The following CHODL variants were observed in gnomAD, a reference collection of about 807,000 sequenced individuals.
CHODL encodes the protein chondrolectin.
A neutral mutation model predicts 34.5 loss-of-function variants in CHODL; 29 were observed. That is an observed-to-expected ratio of 0.84 (90% CI 0.63 to 1.15). The LOEUF (loss-of-function observed/expected upper bound fraction) is 1.15. Ranked by LOEUF, CHODL falls within the 50% of genes most tolerant of loss-of-function variation. The probability of loss-of-function intolerance (pLI) is 0.00; values close to 1 mark genes in which losing one functional copy is unlikely to be tolerated. For missense variants in CHODL, 332 were observed against 332.5 expected (o/e 1.00, Z 0.01); for synonymous variants, 125 against 116.1 (o/e 1.08, Z -0.49).
intron 2 of CHODL, among the ~76,000 whole-genome samples, chr21:18,192,911 A>C (rs1316815584): frequency 6.6e-6 from 1 of 152,210 alleles, no homozygotes; most frequent in Non-Finnish European, 1.5e-5. Context: ...TCATAAAATA[A>C]GCTCTACTAC....
chr21:18,236,153 A>C (rs2074026927), intron 2 of CHODL, among the ~76,000 whole-genome samples: 1 of 152,132 alleles, frequency 6.6e-6, no homozygotes, highest in Admixed American at 6.6e-5. Flanking sequence ...CTATCATGGC[A>C]AAAGGAGAAG....
chr21:18,057,637 C>G (rs947279598), intron 2 of CHODL, among the ~76,000 whole-genome samples: 1 of 151,790 alleles, frequency 6.6e-6, no homozygotes, highest in African/African-American at 2.4e-5. Context: ...CCTAAAAAAC[C>G]CCCTGTGCCC....
chr21:18,134,809 C>T (rs1319776378), intron 2 of CHODL, among the ~76,000 whole-genome samples: 4 of 152,182 alleles, frequency 2.6e-5, no homozygotes, highest in Non-Finnish European at 5.9e-5. Context: ...TTCCTTTGAT[C>T]AAGCCATAAA....
intron 1 of CHODL, among the ~76,000 whole-genome samples, chr21:17,983,425 G>A (rs1035813686): frequency 3.9e-5 from 6 of 152,130 alleles, no homozygotes; most frequent in Non-Finnish European, 7.4e-5. Context: ...TAGGGGCTAT[G>A]TATTTAAGTG....
chr21:18,126,083 G>A (rs189380944), intron 2 of CHODL, among the ~76,000 whole-genome samples: 3 of 152,162 alleles, frequency 2.0e-5, no homozygotes. Flanking sequence ...GATCCCTTGA[G>A]CCCAAAAGCT....
At chr21:18,021,827 C>G (rs559585205) in intron 1 of CHODL, among the ~76,000 whole-genome samples, 1 of 151,770 alleles carries the variant, frequency 6.6e-6, no homozygotes, top group African/African-American at 2.4e-5. Flanking sequence ...GAACCCAAGT[C>G]ATTCCCCACA....
chr21:18,068,475 G>A (rs987792271), intron 2 of CHODL, among the ~76,000 whole-genome samples: 1 of 152,140 alleles, frequency 6.6e-6, no homozygotes. Context: ...GGGATTACAG[G>A]TGTGAGCCAC....
chr21:17,957,151 C>G (rs148334893), intron 1 of CHODL, among the ~76,000 whole-genome samples: 1 of 152,276 alleles, frequency 6.6e-6, no homozygotes, highest in African/African-American at 2.4e-5. Context: ...CTAACTCTAT[C>G]TAATCAATCA....
chr21:18,089,231 A>T (rs1022341499), intron 2 of CHODL, among the ~76,000 whole-genome samples: 1 of 152,150 alleles, frequency 6.6e-6, no homozygotes, highest in African/African-American at 2.4e-5. Flanking sequence ...CTGTTCTTAC[A>T]GTTAGCAGTT....
intron 1 of CHODL, among the ~76,000 whole-genome samples, chr21:17,946,481 A>C (rs540897455): frequency 1.4e-4 from 22 of 152,350 alleles, no homozygotes; most frequent in African/African-American, 5.3e-4. Flanking sequence ...AAATGTTAAA[A>C]GGAGTTTTCA....
intron 1 of CHODL, among the ~76,000 whole-genome samples, chr21:17,922,787 C>A (rs1372264354): frequency 6.6e-6 from 1 of 152,070 alleles, no homozygotes; most frequent in South Asian, 2.1e-4. Flanking sequence ...TGAGACAGGT[C>A]TCAGTTAATT....
intron 2 of CHODL, among the ~76,000 whole-genome samples, chr21:18,172,865 G>A (rs1444316424): frequency 6.6e-6 from 1 of 152,112 alleles, no homozygotes; most frequent in Admixed American, 6.5e-5. Context: ...CAGAGTTTCT[G>A]AAAAGCTGAA....
rs374440098 is a variant in CHODL, at chr21:17,931,699, AAGAC to A, written c.-145+14302_-145+14305del. On this transcript the variant is annotated intron_variant, in intron 1 of 6. Transcript: ENST00000400127. The stretch of plus-strand genomic sequence containing the variant: ...AAAGAAGAAATAGATATCTTAAAAA[AAGAC>A]AGGCAGAACTTCTGGAAATGAAAAA... Among the ~76,000 whole-genome samples, 422 of 152,340 alleles carry A rather than the reference AAGAC, an allele frequency of 2.8e-3. 3 individuals are homozygous for A. Among genetic ancestry groups the A allele is most frequent in the African/African-American group, 9.4e-3 (392 of 41,586 alleles).
chr21:17,997,688 GAAA>G (rs2063864001), intron 1 of CHODL, among the ~76,000 whole-genome samples: 1 of 152,090 alleles, frequency 6.6e-6, no homozygotes. Context: ...GAAAAATGAG[GAAA>G]AAGTGAAAAC....
chr21:17,930,104 C>G lies in CHODL; in HGVS notation c.-145+12704C>G, dbSNP rs377505677. On this transcript the variant is annotated intron_variant, in intron 1 of 6. Coordinates refer to the CHODL transcript ENST00000400127. ...TTGCTGCAACTGCCACCACCACTGCCAGGCCAAGGAGGGAGTGGGAAGACA... is the reference window on the plus strand; with the variant it reads ...TTGCTGCAACTGCCACCACCACTGCGAGGCCAAGGAGGGAGTGGGAAGACA... 4.5e-3 allele frequency among the ~76,000 whole-genome samples: 676 copies of G among 150,930 alleles called. 6 individuals are homozygous for G. Among genetic ancestry groups the G allele is most frequent in the African/African-American group, 0.016 (638 of 41,008 alleles).
At chr21:18,003,266 G>A (rs2063928222) in intron 1 of CHODL, among the ~76,000 whole-genome samples, 1 of 151,598 alleles carries the variant, frequency 6.6e-6, no homozygotes, top group African/African-American at 2.4e-5. Context: ...CTTTCCCCAA[G>A]TGATGGATCA....
At chr21:18,166,384 T>A (rs1232812048) in intron 2 of CHODL, among the ~76,000 whole-genome samples, 1 of 152,178 alleles carries the variant, frequency 6.6e-6, no homozygotes, top group African/African-American at 2.4e-5. Context: ...TAATTATACA[T>A]ACAAAATCCC....
At chr21:18,025,667 C>G (rs1299800098) in intron 1 of CHODL, among the ~76,000 whole-genome samples, 1 of 152,022 alleles carries the variant, frequency 6.6e-6, no homozygotes, top group African/African-American at 2.4e-5. Context: ...AAAATACCCC[C>G]AGACTGGATG....
intron 2 of CHODL, among the ~76,000 whole-genome samples, chr21:18,124,321 C>G (rs562614287): frequency 2.0e-5 from 3 of 152,254 alleles, no homozygotes; most frequent in African/African-American, 7.2e-5. Context: ...AAAACAGACC[C>G]TCCCCTGCCA....
Sources: allele counts gnomAD v4.1 joint callset (sites outside exome capture counted in the v4.1 genomes callset), GRCh38; gene constraint gnomAD v4.1.1; transcripts MANE v1.5; gene names NCBI Gene and HGNC (gene_info 2026-07-23, HGNC 2026-07-21).